Variants in PANK4 observed in about 807,000 individuals in gnomAD.
PANK4 encodes the protein pantothenate kinase 4 (inactive), also known as 4'-phosphopantetheine phosphatase.
A neutral mutation model predicts 87.9 loss-of-function variants in PANK4; 40 were observed. That is an observed-to-expected ratio of 0.46 (90% CI 0.35 to 0.59). The LOEUF (loss-of-function observed/expected upper bound fraction) is 0.59, where lower values mean the gene tolerates loss of function less well. Ranked by LOEUF, PANK4 falls within the 20% of genes least tolerant of loss-of-function variation. The pLI is 0.00. For missense variants in PANK4, 926 were observed against 1,072.3 expected (o/e 0.86, Z 1.90); for synonymous variants, 524 against 467.4 (o/e 1.12, Z -1.56).
Position 2,519,226 on chromosome 1 carries a change from G to A in PANK4, c.952C>T (p.Arg318Cys), listed in dbSNP as rs752504210. ...CLHARLHSLDRVYFGGFFIRG... is the reference protein window; with the variant it reads ...CLHARLHSLDCVYFGGFFIRG... ...ATAAAGAAGCCTCCAAAGTACACGCGGTCCAGGCTGTGCAGCCGTGCGTGG... is the reference window on the plus strand; with the variant it reads ...ATAAAGAAGCCTCCAAAGTACACGCAGTCCAGGCTGTGCAGCCGTGCGTGG... Residue 318 changes from arginine to cysteine, a missense_variant, in exon 7 of 19, where the codon CGC becomes TGC. Coordinates refer to ENST00000378466, the MANE Select transcript of PANK4 (RefSeq NM_018216.4). This position sits in a 1 kb window ranked among gnomAD's most constrained non-coding sequence, Gnocchi z 8.3. The A allele has an allele frequency of 8.1e-6, 13 of 1,612,660 alleles. No individual in the cohort carries two copies. Among genetic ancestry groups the A allele is most frequent in the South Asian group, 1.1e-5 (1 of 91,088 alleles).
chr1:2,524,290 C>T (rs1424974253), intron 1 of PANK4, among the ~76,000 whole-genome samples: 1 of 151,970 alleles, frequency 6.6e-6, no homozygotes, highest in African/African-American at 2.4e-5. Flanking sequence ...GATCCAGACA[C>T]AGGCAAGGGA....
chr1:2,523,437 C>T (rs980950493), intron 1 of PANK4, among the ~76,000 whole-genome samples: 2 of 152,198 alleles, frequency 1.3e-5, no homozygotes, highest in South Asian at 2.1e-4. Context: ...TTTTCTAAAA[C>T]GACAGATGAT....
At position 2,514,084 on chromosome 1, in the gene PANK4, T is replaced by C; in HGVS notation, c.1493A>G (p.Tyr498Cys). The change falls in exon 12 of 19, where the codon TAT (tyrosine) becomes TGT (cysteine). Residue 498 changes from tyrosine (Y) to cysteine (C), a missense_variant. Coordinates refer to ENST00000378466, the MANE Select transcript of PANK4 (RefSeq NM_018216.4). ...LQTLRQQPFA[Y>C]GTLTVRSLLD... ...CAGGCTGCGCACGGTCAGGGTCCCA[T>C]AGGCGCTGGGGACAGACACGGCAGA... 6.2e-7 allele frequency: 1 copy of C among 1,611,968 alleles called. No homozygotes were observed. The highest frequency in any genetic ancestry group is 8.5e-7 in the Non-Finnish European group (1 of 1,179,232).
chr1:2,508,606 C>A lies in PANK4; in HGVS notation c.*241G>T, dbSNP rs1643605625. ...CCGTCAGACATACCTGTATAGATCT[C>A]TCTATTTATATATATATATATATAA... On this transcript the variant is annotated 3_prime_UTR_variant, in exon 19 of 19. Coordinates refer to ENST00000378466, the MANE Select transcript of PANK4 (RefSeq NM_018216.4). The surrounding 1 kb of genome is among the most constrained non-coding windows in gnomAD (Gnocchi z 5.1). 4.5e-6 allele frequency: 1 copy of A among 224,022 alleles called. No individual in the cohort carries two copies. The highest frequency in any genetic ancestry group is 7.8e-6 in the Non-Finnish European group (1 of 128,612). 13.9% of individuals were successfully genotyped at this position (224,022 alleles called of 1,614,324 possible).
chr1:2,510,323 C>A lies in PANK4; in HGVS notation c.1939-166G>T. 1 of 632,528 alleles carries A rather than the reference C, an allele frequency of 1.6e-6. No individual in the cohort carries two copies. Among genetic ancestry groups the A allele is most frequent in the East Asian group, 2.7e-5 (1 of 36,562 alleles). The allele number at this position is 632,528 out of a possible 1,614,324, so 39.2% of individuals were successfully genotyped here. Reference sequence around the variant, plus strand: ...AGGGACCTCGCCTGACCTTGCCACTCTGTGGCCCCTGGGAGGGAGCTGAGC... The same window carrying A: ...AGGGACCTCGCCTGACCTTGCCACTATGTGGCCCCTGGGAGGGAGCTGAGC... On this transcript the variant is annotated intron_variant, in intron 16 of 18. Transcript: ENST00000378466. The surrounding 1 kb of genome is among the most constrained non-coding windows in gnomAD (Gnocchi z 4.9).
rs2494636 is a variant in PANK4, at chr1:2,520,918, G to A, written c.423-12C>T. The A allele has an allele frequency of 0.27, 409,244 of 1,537,858 alleles. 63,994 individuals carry two copies. The highest frequency in any genetic ancestry group is 0.66 in the African/African-American group (48,023 of 72,236). On this transcript the variant is annotated splice_polypyrimidine_tract_variant and intron_variant, in intron 3 of 18. Coordinates refer to ENST00000378466, the MANE Select transcript of PANK4 (RefSeq NM_018216.4). The surrounding 1 kb of genome is among the most constrained non-coding windows in gnomAD (Gnocchi z 6.2). ...CCTCCTTGTCGACTCTGAAAAGGAA[G>A]CGCCAACCCCTTAAAGAGTCTGGGC...
intron 13 of PANK4, 115 bp downstream of exon 13, chr1:2,512,773 G>A: frequency 3.8e-6 from 4 of 1,041,162 alleles, no homozygotes; most frequent in Non-Finnish European, 5.8e-6. Flanking sequence ...GAGCCACCAA[G>A]CCACCAAGCG....
rs1643756716 is a variant in PANK4 at position 2,515,621 on chromosome 1, T to C, written c.1315A>G (p.Thr439Ala). The part of the protein sequence containing the change: ...PSYVPDTVDL[T>A]DDALARKYWL... ...TATTTTCGGGCCAGAGCGTCATCGG[T>C]GAGGTCCACCGTGTCGGGCACGTAG... The change falls in exon 10 of 19, where the codon ACC becomes GCC. Residue 439 changes from threonine to alanine, a missense_variant. Transcript: ENST00000378466. This position sits in a 1 kb window ranked among gnomAD's most constrained non-coding sequence, Gnocchi z 5.0. The C allele has an allele frequency of 6.2e-7, 1 of 1,613,196 alleles. No homozygotes were observed. The highest frequency in any genetic ancestry group is 8.5e-7 in the Non-Finnish European group (1 of 1,179,952).
chr1:2,509,091 G>A lies in PANK4; in HGVS notation c.2109-31C>T. 4 of 1,544,714 alleles carry A rather than the reference G, an allele frequency of 2.6e-6. No individual in the cohort carries two copies. Among genetic ancestry groups the A allele is most frequent in the Non-Finnish European group, 3.5e-6 (4 of 1,143,256 alleles). On this transcript the variant is annotated intron_variant, in intron 18 of 18. Transcript: ENST00000378466. The surrounding 1 kb of genome is among the most constrained non-coding windows in gnomAD (Gnocchi z 4.9). ...GGGAGGAAGAGGACGGTGAGACTGG[G>A]CAAGCAGACCCCAGACCCCACTTCC...
rs532009952 is a variant in PANK4, at chr1:2,519,406, G to A, written c.854-82C>T. On this transcript the variant is annotated intron_variant, in intron 6 of 18. Coordinates refer to ENST00000378466, the MANE Select transcript of PANK4 (RefSeq NM_018216.4). The surrounding 1 kb of genome is among the most constrained non-coding windows in gnomAD (Gnocchi z 8.3). ...GAGCGAGCAGGAGGGGAGGGGGAGAGAGAGCTGAGTGGGAGGGGAGGGGGA... is the reference window on the plus strand; with the variant it reads ...GAGCGAGCAGGAGGGGAGGGGGAGAAAGAGCTGAGTGGGAGGGGAGGGGGA... The A allele has an allele frequency of 8.7e-5, 35 of 404,328 alleles. No homozygotes were observed. The highest frequency in any genetic ancestry group is 1.2e-4 in the Non-Finnish European group (30 of 257,884). The allele number at this position is 404,328 out of a possible 1,614,324, so 25.0% of individuals were successfully genotyped here.
Position 2,512,977 on chromosome 1 carries a change from G to A in PANK4, c.1638C>T (p.Asp546=), listed in dbSNP as rs766824939. 1.2e-5 allele frequency: 20 copies of A among 1,612,022 alleles called. No homozygotes were observed. The highest frequency in any genetic ancestry group is 4.5e-5 in the East Asian group (2 of 44,878). Residue 546 remains aspartate (D), a synonymous_variant, in exon 13 of 19, where the codon GAC becomes GAT. Coordinates refer to ENST00000378466, the MANE Select transcript of PANK4 (RefSeq NM_018216.4). ...RCFPGVVRSL[D]ALGWEERQLA... ...GCTGCCGTTCCTCCCAGCCCAGCGC[G>A]TCCAGGGAGCGCACGACCCCGGGGA...
At chr1:2,516,505 G>T (rs920889336) in intron 9 of PANK4, among the ~76,000 whole-genome samples, 1 of 152,218 alleles carries the variant, frequency 6.6e-6, no homozygotes, top group Non-Finnish European at 1.5e-5. Context: ...GGGACCAGAG[G>T]GGCTATGAGG....
At chr1:2,511,281 A>AC (rs781494767) in intron 15 of PANK4, 57 bp downstream of exon 15, 35 of 1,282,268 alleles carry the variant, frequency 2.7e-5, no homozygotes, top group Non-Finnish European at 3.1e-5. Context: ...TCCAGTGACC[A>AC]CCCCCCCGGG....
rs771123964 is a variant in PANK4, at chr1:2,520,733, G to C, written c.596C>G (p.Ser199Cys). ...YLLVNIGSGVSIVKVETEDRF... is the reference protein window; with the variant it reads ...YLLVNIGSGVCIVKVETEDRF... Reference sequence around the variant, plus strand: ...GAAGCCGGGTCTTACCTTCACGATGGAGACTCCAGAGCCGATATTGACAAG... The same window carrying C: ...GAAGCCGGGTCTTACCTTCACGATGCAGACTCCAGAGCCGATATTGACAAG... The change falls in exon 4 of 19, where the codon TCC becomes TGC. Residue 199 changes from serine (S) to cysteine (C), a missense_variant. Transcript: ENST00000378466. This position sits in a 1 kb window ranked among gnomAD's most constrained non-coding sequence, Gnocchi z 6.2. 1.3e-5 allele frequency: 21 copies of C among 1,612,594 alleles called. No homozygotes were observed. In the Admixed American group the frequency reaches 3.5e-4, roughly 27 times the overall value.
rs930080968 is a variant in PANK4 at position 2,510,499 on chromosome 1, G to A, written c.1938+179C>T. ...TGGACCCTCAGCCTGAGCCCAGGGG[G>A]CTCGGAGCCTCCACCCCAGCAGATG... On this transcript the variant is annotated intron_variant, in intron 16 of 18. Coordinates refer to ENST00000378466, the MANE Select transcript of PANK4 (RefSeq NM_018216.4). This position sits in a 1 kb window ranked among gnomAD's most constrained non-coding sequence, Gnocchi z 4.9. 5 of 616,672 alleles carry A rather than the reference G, an allele frequency of 8.1e-6. No homozygotes were observed. Among genetic ancestry groups the A allele is most frequent in the South Asian group, 3.8e-5 (2 of 52,218 alleles). 38.2% of individuals were successfully genotyped at this position (616,672 alleles called of 1,614,324 possible). A position where few individuals can be genotyped will look rare whatever the true frequency, so the allele number is the denominator to read the frequency against.
chr1:2,520,392 T>G lies in PANK4; in HGVS notation c.629A>C (p.Glu210Ala). The G allele has an allele frequency of 1.2e-6, 2 of 1,612,770 alleles. No individual in the cohort carries two copies. Among genetic ancestry groups the G allele is most frequent in the Non-Finnish European group, 1.7e-6 (2 of 1,179,912 alleles). ...TCCAATGGAGCTGCCGCCGACCCAC[T>G]CGAACCTGTCCTCCGTCTCCACCTG... The part of the protein sequence containing the change: ...IVKVETEDRF[E>A]WVGGSSIGGG... The change falls in exon 5 of 19, where the codon GAG becomes GCG. Residue 210 changes from glutamate to alanine, a missense_variant. By Grantham distance (107) the Glu-to-Ala change is moderately radical (BLOSUM62 -1). Transcript: ENST00000378466. This position sits in a 1 kb window ranked among gnomAD's most constrained non-coding sequence, Gnocchi z 6.2.
At chr1:2,513,209 C>A (rs1229094715) in intron 12 of PANK4, among the ~76,000 whole-genome samples, 170 bp from the exon 13 acceptor site, 1 of 152,272 alleles carries the variant, frequency 6.6e-6, no homozygotes, top group Non-Finnish European at 1.5e-5. Context: ...GGCCAGCGCA[C>A]AGCTGCACGG....
Position 2,510,312 on chromosome 1 carries a change from AC to A in PANK4, c.1939-156del, listed in dbSNP as rs1643639359. On this transcript the variant is annotated intron_variant, in intron 16 of 18. Coordinates refer to ENST00000378466, the MANE Select transcript of PANK4 (RefSeq NM_018216.4). This position sits in a 1 kb window ranked among gnomAD's most constrained non-coding sequence, Gnocchi z 4.9. ...TGCTGAGGAGCAGGGACCTCGCCTG[AC>A]CTTGCCACTCTGTGGCCCCTGGGAG... The A allele has an allele frequency of 3.7e-5, 24 of 643,394 alleles. No homozygotes were observed. The South Asian group carries it at 4.0e-4, about 11-fold the overall frequency. 39.9% of individuals were successfully genotyped at this position (643,394 alleles called of 1,614,324 possible).
intron 10 of PANK4, among the ~76,000 whole-genome samples, chr1:2,514,873 C>G (rs1365354136): frequency 2.0e-5 from 3 of 152,074 alleles, no homozygotes; most frequent in Non-Finnish European, 4.4e-5. Flanking sequence ...TCCCTCACCC[C>G]CCAGGAAACC....
Sources: gnomAD v4.1 joint callset for allele counts (sites outside exome capture counted in the v4.1 genomes callset) on GRCh38, gnomAD v4.1.1 for gene constraint, Gnocchi (gnomAD v3.1) non-coding constraint, MANE v1.5 for transcripts, NCBI Gene and HGNC (gene_info 2026-07-23, HGNC 2026-07-21) for gene names.